DOCK5: variants seen among roughly 807,000 people sequenced by gnomAD.
The protein encoded by DOCK5 is dedicator of cytokinesis protein 5.
DOCK5 carries 142 observed loss-of-function variants against 251.8 expected under a neutral mutation model. The ratio of observed to expected loss-of-function variants is 0.56; its 90% CI spans 0.49 to 0.65. The LOEUF is 0.65. Among genes scored for constraint, DOCK5 ranks in the 30% least tolerant of loss-of-function variants. DOCK5 has a pLI of 0.00. For missense variants in DOCK5, 2,111 were observed against 2,312.3 expected (o/e 0.91, Z 1.79); for synonymous variants, 842 against 835.5 (o/e 1.01, Z -0.13).
chr8:25,308,662 TA>T, intron 11 of DOCK5, 120 bp from the exon 12 acceptor site: 3 of 984,724 alleles, frequency 3.0e-6, no homozygotes, highest in Non-Finnish European at 4.4e-6. Flanking sequence ...GATAGAAAGA[TA>T]GGGGTACTTA....
At chr8:25,292,918 G>A (rs1695388717) in intron 6 of DOCK5, among the ~76,000 whole-genome samples, 1 of 152,182 alleles carries the variant, frequency 6.6e-6, no homozygotes, top group Non-Finnish European at 1.5e-5. Flanking sequence ...TGTGTGAAAA[G>A]CAGACTTGCA....
intron 2 of DOCK5, among the ~76,000 whole-genome samples, chr8:25,246,807 G>A (rs975684996): frequency 6.7e-5 from 10 of 149,118 alleles, no homozygotes; most frequent in South Asian, 4.3e-4. Context: ...GTTTTGTCAA[G>A]CTTTTCTAAT....
chr8:25,319,471 G>T, intron 14 of DOCK5, 107 bp from the exon 15 acceptor site: 2 of 663,624 alleles, frequency 3.0e-6, no homozygotes, highest in East Asian at 2.8e-5. Context: ...CCAGTGTAGG[G>T]CATGTGTGGA....
In DOCK5 at chr8:25,308,839, C is replaced by T; in HGVS notation, c.1106C>T (p.Thr369Ile). The part of the protein sequence containing the change: ...QRQLIMSPLI[T>I]SHVIGENEPL... ...CAGCTCATCATGTCGCCTTTGATAA[C>T]ATCACACGTGATTGGGGAGAATGAG... The change falls in exon 12 of 52, where the codon ACA (threonine) becomes ATA (isoleucine). Residue 369 changes from threonine (T) to isoleucine (I), a missense_variant. By Grantham distance (89) the Thr-to-Ile change is moderately conservative. This residue lies in a region of DOCK5 where 1,717 missense variants were observed against 1,892.4 expected (regional missense o/e 0.91). Coordinates refer to ENST00000276440, the MANE Select transcript of DOCK5 (RefSeq NM_024940.8). 1 of 1,613,952 alleles carries T rather than the reference C, an allele frequency of 6.2e-7. No homozygotes were observed. The highest frequency in any genetic ancestry group is 1.1e-5 in the South Asian group (1 of 91,072).
intron 45 of DOCK5, among the ~76,000 whole-genome samples, chr8:25,396,482 C>A (rs1463236038): frequency 6.6e-6 from 1 of 152,066 alleles, no homozygotes; most frequent in Non-Finnish European, 1.5e-5. Context: ...GACATGAAAG[C>A]AGTACTTGGC....
intron 1 of DOCK5, among the ~76,000 whole-genome samples, chr8:25,219,203 A>C (rs1205533122): frequency 6.6e-6 from 1 of 152,120 alleles, no homozygotes; most frequent in Non-Finnish European, 1.5e-5. Context: ...GACTATGCAG[A>C]TATTCTTGGC....
chr8:25,342,384 T>C lies in DOCK5; in HGVS notation c.2511-17T>C. ...GGCAGAACGAAGACACTACTAACCC[T>C]GAGGTTTCTCTCCCAGCGTGCTCTT... On this transcript the variant is annotated splice_polypyrimidine_tract_variant and intron_variant, in intron 24 of 51. Coordinates refer to ENST00000276440, the MANE Select transcript of DOCK5 (RefSeq NM_024940.8). The C allele has an allele frequency of 6.4e-7, 1 of 1,564,448 alleles. No homozygotes were observed.
chr8:25,338,681 A>G (rs1805875183), intron 22 of DOCK5, among the ~76,000 whole-genome samples: 1 of 152,174 alleles, frequency 6.6e-6, no homozygotes, highest in African/African-American at 2.4e-5. Context: ...CAGTTATGGT[A>G]CATTTCCATG....
At chr8:25,312,961 C>G (rs2457700) in intron 13 of DOCK5, among the ~76,000 whole-genome samples, 138,782 of 152,062 alleles carry the variant, frequency 0.91, 63,395 homozygotes, top group Middle Eastern at 0.98. Flanking sequence ...CTAGAACAAT[C>G]GTTTCCAGTG....
rs554183777 is a variant in DOCK5, at chr8:25,275,880, A to G, written c.224+439A>G. ...AAATTTCTCTCATCTCATCAGTTCT[A>G]CTTCTCCTATGAGAGAGAAATGAAG... is the stretch of plus-strand genomic sequence containing the variant. On this transcript the variant is annotated intron_variant, in intron 4 of 51. Transcript: ENST00000276440. 3.9e-5 allele frequency among the ~76,000 whole-genome samples: 6 copies of G among 152,276 alleles called. No individual in the cohort carries two copies. The South Asian group carries it at 8.3e-4, about 21-fold the overall frequency.
At chr8:25,284,072 A>G (rs570210942) in intron 5 of DOCK5, among the ~76,000 whole-genome samples, 8 of 152,364 alleles carry the variant, frequency 5.3e-5, no homozygotes, top group African/African-American at 1.9e-4. Context: ...TGACAAACCC[A>G]GTAATAGTTA....
intron 1 of DOCK5, among the ~76,000 whole-genome samples, chr8:25,237,427 C>G (rs1802831839): frequency 6.6e-6 from 1 of 152,106 alleles, no homozygotes; most frequent in Non-Finnish European, 1.5e-5. Flanking sequence ...AGCCTACAGA[C>G]TTTTCATTGT....
chr8:25,226,509 C>G (rs991815910), intron 1 of DOCK5, among the ~76,000 whole-genome samples: 1 of 151,842 alleles, frequency 6.6e-6, no homozygotes, highest in African/African-American at 2.4e-5. Flanking sequence ...GGTGATCTGC[C>G]CGTCTAGGCC....
chr8:25,317,232 T>C, intron 14 of DOCK5, 101 bp downstream of exon 14: 3 of 1,518,974 alleles, frequency 2.0e-6, no homozygotes, highest in Non-Finnish European at 1.8e-6. Flanking sequence ...TCAGGATGGG[T>C]TTGATTTTTC....
chr8:25,376,131 G>C (rs531061030), intron 37 of DOCK5: 1,237 of 968,406 alleles, frequency 1.3e-3, no homozygotes, highest in Non-Finnish European at 1.4e-3. Context: ...GCAACCTACT[G>C]TATATAGCTT....
chr8:25,395,184 T>C (rs970656817), intron 44 of DOCK5, among the ~76,000 whole-genome samples: 7 of 152,172 alleles, frequency 4.6e-5, no homozygotes, highest in Non-Finnish European at 8.8e-5. Context: ...ATCCCTCGCA[T>C]GTGCAGTTCA....
chr8:25,325,525 C>T lies in DOCK5; in HGVS notation c.1881C>T (p.Cys627=), dbSNP rs200830597. ...KDSFQIATLI[C]STKLTQNVDL... is the part of the protein sequence containing the mutation. ...GCTTTCAGATTGCCACCCTCATCTG[C>T]TCCACAAAGCTCACCCAGAATGGTA... Residue 627 remains cysteine, a synonymous_variant, in exon 18 of 52, where the codon TGC becomes TGT. Transcript: ENST00000276440. 1.1e-5 allele frequency: 18 copies of T among 1,613,630 alleles called. No homozygotes were observed. In the East Asian group the frequency reaches 3.6e-4, roughly 32 times the overall value.
At position 25,368,694 on chromosome 8, in the gene DOCK5, T is replaced by C. The variant is rs1478400257; in HGVS notation, c.3407T>C (p.Phe1136Ser). ...TTCTTTGATATGATGCAGTGTGAGTTCAATTTCAGTGGAAATGGCAATTTC... is the reference window on the plus strand; with the variant it reads ...TTCTTTGATATGATGCAGTGTGAGTCCAATTTCAGTGGAAATGGCAATTTC... ...PIFFDMMQCEFNFSGNGNFHM... is the reference protein window; with the variant it reads ...PIFFDMMQCESNFSGNGNFHM... The change falls in exon 33 of 52, where the codon TTC becomes TCC. Residue 1136 changes from phenylalanine to serine, a missense_variant. Transcript: ENST00000276440. The C allele has an allele frequency of 1.2e-6, 2 of 1,613,544 alleles. No homozygotes were observed. Among genetic ancestry groups the C allele is most frequent in the Non-Finnish European group, 1.7e-6 (2 of 1,179,762 alleles).
At position 25,213,340 on chromosome 8, in the gene DOCK5, T is replaced by G. The variant is rs151268841; in HGVS notation, c.43+28389T>G. Reference sequence around the variant, plus strand: ...TTGTTTCACAGGAAAGTCAGGAGCCTCCTGAAAACAGACATGAATGTAGCA... The same window carrying G: ...TTGTTTCACAGGAAAGTCAGGAGCCGCCTGAAAACAGACATGAATGTAGCA... On this transcript the variant is annotated intron_variant, in intron 1 of 51. Transcript: ENST00000276440. 4.5e-3 allele frequency among the ~76,000 whole-genome samples: 586 copies of G among 129,496 alleles called. 2 individuals carry two copies. The highest frequency in any genetic ancestry group is 6.2e-3 in the Non-Finnish European group (395 of 63,924). 85.0% of individuals were successfully genotyped at this position (129,496 alleles called of 152,430 possible). A position where few individuals can be genotyped will look rare whatever the true frequency, so the allele number is the denominator to read the frequency against.
Sources: gnomAD v4.1 joint callset for allele counts (sites outside exome capture counted in the v4.1 genomes callset) on GRCh38, gnomAD v4.1.1 for gene constraint, gnomAD v4.1.1 regional missense constraint, MANE v1.5 for transcripts, NCBI Gene and HGNC (gene_info 2026-07-23, HGNC 2026-07-21) for gene names.